The following ADAM23 variants were observed in gnomAD, a reference collection of about 807,000 sequenced individuals.
The protein encoded by ADAM23 is disintegrin and metalloproteinase domain-containing protein 23.
In ADAM23, 33 loss-of-function variants were observed where a neutral mutation model predicts 120.1. The observed-to-expected ratio is 0.27, with a 90% confidence interval of 0.21 to 0.37. ADAM23 has a LOEUF of 0.37. Ranked by LOEUF, ADAM23 falls within the 10% of genes least tolerant of loss-of-function variation. ADAM23 has a pLI of 1.00. For synonymous variants in ADAM23, 367 were observed against 375.2 expected, an observed-to-expected ratio of 0.98 and a Z score of 0.25; for missense variants, 862 against 1,058.2, an observed-to-expected ratio of 0.81 and a Z score of 2.57.
chr2:206,569,234 C>T (rs1017248378), intron 15 of ADAM23, among the ~76,000 whole-genome samples: 7 of 152,110 alleles, frequency 4.6e-5, no homozygotes, highest in Non-Finnish European at 8.8e-5. Context: ...CATAAAGATC[C>T]ATCAATGGAT....
chr2:206,585,977 C>T (rs1013700319), intron 18 of ADAM23, among the ~76,000 whole-genome samples: 3 of 152,190 alleles, frequency 2.0e-5, no homozygotes, highest in African/African-American at 7.2e-5. Flanking sequence ...ATAAAGGCCT[C>T]TTTGGGATGA....
At chr2:206,603,490 C>CA (rs1698676530) in intron 24 of ADAM23, among the ~76,000 whole-genome samples, 1 of 152,162 alleles carries the variant, frequency 6.6e-6, no homozygotes, top group South Asian at 2.1e-4. Flanking sequence ...CTGTGTCACT[C>CA]AAAGTAATGG....
chr2:206,472,615 G>GC (rs1553547877), intron 2 of ADAM23, among the ~76,000 whole-genome samples: 1 of 142,636 alleles, frequency 7.0e-6, no homozygotes, highest in Non-Finnish European at 1.5e-5. Context: ...CATCTCAGGG[G>GC]AAAAAAAAAA....
At chr2:206,526,173 C>CACACACAG (rs1473351250) in intron 3 of ADAM23, among the ~76,000 whole-genome samples, 1 of 147,452 alleles carries the variant, frequency 6.8e-6, no homozygotes, top group East Asian at 1.9e-4. Flanking sequence ...CACACACACA[C>CACACACAG]ACACACAGAC....
intron 4 of ADAM23, among the ~76,000 whole-genome samples, chr2:206,536,007 C>T (rs1454816001): frequency 6.6e-6 from 1 of 152,104 alleles, no homozygotes; most frequent in Non-Finnish European, 1.5e-5. Flanking sequence ...ATAAAAAACC[C>T]AGGTGGGGAA....
intron 4 of ADAM23, among the ~76,000 whole-genome samples, chr2:206,535,951 A>G (rs72937508): frequency 0.051 from 7,803 of 152,310 alleles, 295 homozygotes; most frequent in Middle Eastern, 0.12. Context: ...TATACTTAAA[A>G]AGGTAAACTT....
At chr2:206,562,120 T>C (rs376937955) in intron 12 of ADAM23, 83 bp from the exon 13 acceptor site, 29 of 1,186,790 alleles carry the variant, frequency 2.4e-5, no homozygotes, top group East Asian at 9.5e-5. Flanking sequence ...ACTGAGAAGA[T>C]TTGTGGTAAC....
chr2:206,600,135 GA>G (rs1205546297), intron 24 of ADAM23, among the ~76,000 whole-genome samples: 3 of 152,200 alleles, frequency 2.0e-5, no homozygotes, highest in African/African-American at 7.2e-5. Context: ...CTGGGAGGCA[GA>G]GCTTGCAGTG....
chr2:206,548,707 C>T (rs1697451460), intron 8 of ADAM23, among the ~76,000 whole-genome samples: 1 of 152,028 alleles, frequency 6.6e-6, no homozygotes, highest in Admixed American at 6.6e-5. Flanking sequence ...TATATAGTGT[C>T]ATATAAAACA....
intron 3 of ADAM23, among the ~76,000 whole-genome samples, chr2:206,519,875 A>T (rs527682702): frequency 6.6e-5 from 10 of 152,160 alleles, no homozygotes. Flanking sequence ...TAAGCCACTC[A>T]TGGTGGCACA....
Position 206,550,107 on chromosome 2 carries a change from A to G in ADAM23, c.880A>G (p.Ile294Val). Residue 294 changes from isoleucine (I) to valine (V), a missense_variant, in exon 9 of 26, where the codon ATA (isoleucine) becomes GTA (valine). This residue lies in a region of ADAM23 where 617 missense variants were observed against 813.5 expected (regional missense o/e 0.76). Transcript: ENST00000264377. ...RKRAVNPSRG[I>V]FEEMKYLELM... ...TTATTTTCCGTAGCCATCACGTGGT[A>G]TATTTGAAGAAATGAAATATTTGGA... The G allele has an allele frequency of 1.3e-6, 2 of 1,575,918 alleles. No individual in the cohort carries two copies. Among genetic ancestry groups the G allele is most frequent in the Non-Finnish European group, 1.7e-6 (2 of 1,149,386 alleles).
chr2:206,508,160 G>A (rs1696535685), intron 3 of ADAM23, among the ~76,000 whole-genome samples: 1 of 152,058 alleles, frequency 6.6e-6, no homozygotes, highest in Non-Finnish European at 1.5e-5. Context: ...CTCCCGAGTA[G>A]CTGGGACTAC....
chr2:206,571,332 G>A (rs774972790), intron 16 of ADAM23, among the ~76,000 whole-genome samples: 9 of 152,140 alleles, frequency 5.9e-5, no homozygotes, highest in Admixed American at 2.0e-4. Context: ...AAAATTAGCC[G>A]GGCGCGGTGG....
chr2:206,470,757 G>A (rs1343838241), intron 2 of ADAM23, among the ~76,000 whole-genome samples: 2 of 152,162 alleles, frequency 1.3e-5, no homozygotes, highest in Non-Finnish European at 2.9e-5. Flanking sequence ...ATCCATAGTC[G>A]TAGATGAGGT....
At chr2:206,616,078 T>G (rs1698930230) in intron 25 of ADAM23, among the ~76,000 whole-genome samples, 1 of 152,168 alleles carries the variant, frequency 6.6e-6, no homozygotes, top group African/African-American at 2.4e-5. Context: ...TCCTTCAGGG[T>G]CATTTCACAA....
At chr2:206,473,578 T>TAAC (rs537398618) in intron 2 of ADAM23, among the ~76,000 whole-genome samples, 1 of 148,334 alleles carries the variant, frequency 6.7e-6, no homozygotes, top group East Asian at 2.0e-4. Flanking sequence ...TCTAAAATAA[T>TAAC]AATAATAATA....
chr2:206,464,671 A>G (rs929985370), intron 2 of ADAM23, among the ~76,000 whole-genome samples: 2 of 152,138 alleles, frequency 1.3e-5, no homozygotes, highest in Middle Eastern at 3.2e-3. Context: ...TTCTGTACAT[A>G]GAGAGTAGGG....
At chr2:206,513,213 C>T (rs1203287882) in intron 3 of ADAM23, among the ~76,000 whole-genome samples, 1 of 152,188 alleles carries the variant, frequency 6.6e-6, no homozygotes, top group Admixed American at 6.5e-5. Context: ...AGTTTCAAGG[C>T]ATGTTGAAAG....
At chr2:206,577,337 G>A in intron 18 of ADAM23, among the ~76,000 whole-genome samples, 1 of 142,398 alleles carries the variant, frequency 7.0e-6, no homozygotes, top group Non-Finnish European at 1.5e-5. Context: ...ATGTATACAT[G>A]TGCCATGCTG....
Sources: allele counts gnomAD v4.1 joint callset (sites outside exome capture counted in the v4.1 genomes callset), GRCh38; gene constraint gnomAD v4.1.1; regional missense constraint gnomAD v4.1.1; transcripts MANE v1.5; gene names NCBI Gene and HGNC (gene_info 2026-07-23, HGNC 2026-07-21).